PDPR: variants seen among roughly 807,000 people sequenced by gnomAD.
The protein encoded by PDPR is pyruvate dehydrogenase phosphatase regulatory subunit, mitochondrial.
PDPR carries 50 observed loss-of-function variants against 102.2 expected under a neutral mutation model. The observed-to-expected ratio is 0.49, with a 90% CI of 0.39 to 0.62. The LOEUF (loss-of-function observed/expected upper bound fraction) is 0.62, where lower values mean the gene tolerates loss of function less well. Ranked by LOEUF, PDPR falls within the 20% of genes least tolerant of loss-of-function variation. The pLI, the probability that PDPR is intolerant of heterozygous loss-of-function variation, is 0.00. For missense variants in PDPR, 625 were observed against 1,098.2 expected, an observed-to-expected ratio of 0.57 and a Z score of 6.09; for synonymous variants, 259 against 406.0, an observed-to-expected ratio of 0.64 and a Z score of 4.35.
At chr16:70,151,470 G>C (rs903495470) in intron 17 of PDPR, among the ~76,000 whole-genome samples, 1 of 152,296 alleles carries the variant, frequency 6.6e-6, no homozygotes, top group African/African-American at 2.4e-5. Context: ...ACACTCAGAA[G>C]TATTACAACA....
chr16:70,142,078 C>G (rs1430812460), intron 11 of PDPR, among the ~76,000 whole-genome samples, 156 bp from the exon 12 acceptor site: 2 of 151,186 alleles, frequency 1.3e-5, no homozygotes, highest in Non-Finnish European at 2.9e-5. Context: ...CCAGCCTGGA[C>G]AACAAGAGCA....
intron 3 of PDPR, among the ~76,000 whole-genome samples, chr16:70,121,259 G>T (rs1477235718): frequency 2.6e-5 from 4 of 151,580 alleles, no homozygotes; most frequent in Admixed American, 1.3e-4. Context: ...CTTCTTTTAG[G>T]TCAAGTATTT....
chr16:70,153,318 C>G, intron 17 of PDPR, 73 bp from the exon 18 acceptor site: 1 of 1,447,270 alleles, frequency 6.9e-7, no homozygotes, highest in Non-Finnish European at 9.4e-7. Flanking sequence ...TGTGAGCCAT[C>G]AGCGCTTCCA....
In PDPR at chr16:70,153,469, C is replaced by T. The variant is rs199923910; in HGVS notation, c.2131C>T (p.Arg711Cys). 787 of 1,612,844 alleles carry T rather than the reference C, an allele frequency of 4.9e-4. No homozygotes were observed. Among genetic ancestry groups the T allele is most frequent in the Non-Finnish European group, 4.4e-4 (515 of 1,179,302 alleles). Residue 711 changes from arginine (R) to cysteine (C), a missense_variant, in exon 18 of 19, where the codon CGC becomes TGC. This residue lies in a region of PDPR where 303 missense variants were observed against 258.9 expected (regional missense o/e 1.17). Transcript: ENST00000288050. ...GIRNAGYYAL[R>C]SLRIEKFFAF... ...CCGGAATGCTGGGTATTACGCTCTTCGCAGTCTCCGAATTGAGAAGTTTTT... is the reference window on the plus strand; with the variant it reads ...CCGGAATGCTGGGTATTACGCTCTTTGCAGTCTCCGAATTGAGAAGTTTTT...
chr16:70,128,498 G>A (rs1176072340), intron 4 of PDPR, among the ~76,000 whole-genome samples: 3 of 152,260 alleles, frequency 2.0e-5, no homozygotes, highest in Non-Finnish European at 4.4e-5. Flanking sequence ...AAAGTGCTGC[G>A]ATTACAAGCA....
chr16:70,146,259 T>A, intron 16 of PDPR, 31 bp downstream of exon 16: 1 of 1,613,522 alleles, frequency 6.2e-7, no homozygotes, highest in Non-Finnish European at 8.5e-7. Flanking sequence ...GTTTCTTAAA[T>A]GGGCAGAGAA....
At chr16:70,154,966 C>T (rs887946166) in intron 18 of PDPR, among the ~76,000 whole-genome samples, 33 of 152,218 alleles carry the variant, frequency 2.2e-4, no homozygotes, top group African/African-American at 6.3e-4. Context: ...TTGTTTTGGG[C>T]GGATCACCTG....
At chr16:70,117,993 C>G (rs1411545017) in intron 2 of PDPR, among the ~76,000 whole-genome samples, 4 of 150,856 alleles carry the variant, frequency 2.7e-5, no homozygotes, top group Non-Finnish European at 5.9e-5. Context: ...TTCAGGAGGC[C>G]GAGGCAGGAG....
chr16:70,120,997 C>A (rs1963205655), intron 3 of PDPR, among the ~76,000 whole-genome samples: 2 of 143,022 alleles, frequency 1.4e-5, no homozygotes, highest in Non-Finnish European at 3.0e-5. Context: ...GCTTTCTTAC[C>A]CAGGCTGAGC....
intron 17 of PDPR, among the ~76,000 whole-genome samples, chr16:70,151,753 C>T (rs1346972126): frequency 5.3e-5 from 8 of 152,278 alleles, no homozygotes; most frequent in Admixed American, 2.0e-4. Context: ...TTATTTGTGC[C>T]ACGCTTGGGT....
rs773452131 is a variant in PDPR at position 70,120,609 on chromosome 16, G to C, written c.117G>C (p.Leu39=). 6.2e-7 allele frequency: 1 copy of C among 1,613,792 alleles called. No individual in the cohort carries two copies. The highest frequency in any genetic ancestry group is 1.7e-5 in the Admixed American group (1 of 60,008). The part of the protein sequence containing the change: ...TSAAEARSMA[L]PTQAQVVICG... ...CTGCCGAGGCGCGTTCCATGGCCCT[G>C]CCCACCCAGGCACAGGTGGTCATCT... Residue 39 remains leucine, a synonymous_variant, in exon 3 of 19, where the codon CTG becomes CTC. Coordinates refer to ENST00000288050, the MANE Select transcript of PDPR (RefSeq NM_017990.5).
rs980199997 is a variant in PDPR at position 70,115,668 on chromosome 16, A to C, written c.-33+738A>C. On this transcript the variant is annotated intron_variant, in intron 2 of 18. Coordinates refer to ENST00000288050, the MANE Select transcript of PDPR (RefSeq NM_017990.5). ...AACGCTGCAGCCATACAGAGGGACA[A>C]CTCGAAGTTAGAACTAGCACCTTGG... is the stretch of plus-strand genomic sequence containing the variant. 2.0e-5 allele frequency among the ~76,000 whole-genome samples: 3 copies of C among 152,272 alleles called. No individual in the cohort carries two copies. The East Asian group carries it at 5.8e-4, about 29-fold the overall frequency.
At chr16:70,125,017 T>A (rs1963776529) in intron 3 of PDPR, among the ~76,000 whole-genome samples, 1 of 152,190 alleles carries the variant, frequency 6.6e-6, no homozygotes, top group Non-Finnish European at 1.5e-5. Flanking sequence ...TTAGAGAACA[T>A]TTTTTTCAAT....
chr16:70,149,687 G>A (rs571117639), intron 17 of PDPR, among the ~76,000 whole-genome samples: 30 of 152,368 alleles, frequency 2.0e-4, no homozygotes, highest in East Asian at 1.7e-3. Flanking sequence ...ACATCATTCC[G>A]ATACTAATAG....
chr16:70,152,186 G>A (rs544573935), intron 17 of PDPR, among the ~76,000 whole-genome samples: 10 of 152,392 alleles, frequency 6.6e-5, no homozygotes, highest in Admixed American at 2.6e-4. Flanking sequence ...TACCACAGGC[G>A]AGTGTTGCAT....
In PDPR at chr16:70,149,269, A is replaced by AT. The variant is rs57755936; in HGVS notation, c.2052+726dup. The stretch of plus-strand genomic sequence containing the variant: ...CTGTTTTTTTTTTTTTCACTTCACA[A>AT]TTTTTTTTTTAATTGAGGCAGAGTC... On this transcript the variant is annotated intron_variant, in intron 17 of 18. Transcript: ENST00000288050. Among the ~76,000 whole-genome samples the AT allele has an allele frequency of 1.1e-4, 17 of 149,804 alleles. No individual in the cohort carries two copies. In the South Asian group the frequency reaches 1.7e-3, roughly 15 times the overall value.
At chr16:70,141,316 C>T (rs1265787489) in intron 11 of PDPR, among the ~76,000 whole-genome samples, 3 of 152,384 alleles carry the variant, frequency 2.0e-5, no homozygotes, top group African/African-American at 4.8e-5. Context: ...CCTCTCAGTG[C>T]TGGGTTTACA....
At chr16:70,134,947 G>A (rs980564544) in intron 9 of PDPR, among the ~76,000 whole-genome samples, 5 of 152,284 alleles carry the variant, frequency 3.3e-5, no homozygotes, top group African/African-American at 1.2e-4. Flanking sequence ...ATAGAAGCTG[G>A]GCACAGTGGC....
At chr16:70,125,333 G>T (rs1323137083) in intron 3 of PDPR, among the ~76,000 whole-genome samples, 1 of 152,170 alleles carries the variant, frequency 6.6e-6, no homozygotes, top group East Asian at 1.9e-4. Flanking sequence ...CCGAGATTGT[G>T]CCATTGCACT....
Sources: gnomAD v4.1 joint callset for allele counts (sites outside exome capture counted in the v4.1 genomes callset) on GRCh38, gnomAD v4.1.1 for gene constraint, gnomAD v4.1.1 regional missense constraint, MANE v1.5 for transcripts, NCBI Gene and HGNC (gene_info 2026-07-23, HGNC 2026-07-21) for gene names.